NAA15: variants seen among roughly 807,000 people sequenced by gnomAD.
NAA15 encodes N-terminal acetyltransferase.
In NAA15, 34 loss-of-function variants were observed where a neutral mutation model predicts 114.0. That is an observed-to-expected ratio of 0.30 (90% confidence interval 0.23 to 0.40). NAA15 has a LOEUF of 0.40. NAA15 is among the 10% of genes least tolerant of loss of function. The pLI is 1.00. For synonymous variants in NAA15, 340 were observed against 338.0 expected (o/e 1.01, Z -0.06); for missense variants, 658 against 1,004.5 (o/e 0.66, Z 4.66).
chr4:139,391,187 C>CT lies in NAA15; in HGVS notation c.*3106dup, dbSNP rs1749048595. 6.6e-6 allele frequency: 1 copy of CT among 152,142 alleles called. No individual in the cohort carries two copies. The allele number at this position is 152,142 out of a possible 1,614,324, so 9.4% of individuals were successfully genotyped here. ...TTCTATTCTAGCTAATGCCCCACTT[C>CT]TTTAAGTTATAAACAAAGTTTCATG... is the stretch of plus-strand genomic sequence containing the variant. On this transcript the variant is annotated 3_prime_UTR_variant, in exon 20 of 20. Coordinates refer to ENST00000296543, the MANE Select transcript of NAA15 (RefSeq NM_057175.5).
At position 139,388,072 on chromosome 4, in the gene NAA15, C is replaced by T. The variant is rs1464587856; in HGVS notation, c.2589C>T (p.Ala863=). ...GTTCTGCAGAAGCTGAAGAACTGGC[C>T]AATGAAATTTGAACATCACTAAACA... ...GDSSAEAEEL[A]NEI Residue 863 remains alanine, a synonymous_variant, in exon 20 of 20, where the codon GCC becomes GCT. Coordinates refer to ENST00000296543, the MANE Select transcript of NAA15 (RefSeq NM_057175.5). The T allele has an allele frequency of 1.9e-6, 3 of 1,612,882 alleles. No homozygotes were observed. Among genetic ancestry groups the T allele is most frequent in the Admixed American group, 3.3e-5 (2 of 59,912 alleles).
intron 1 of NAA15, among the ~76,000 whole-genome samples, chr4:139,309,446 T>A (rs1746141283): frequency 6.6e-6 from 1 of 150,934 alleles, no homozygotes; most frequent in African/African-American, 2.4e-5. Context: ...TGTGTGTGTG[T>A]GTGTGTGTGT....
intron 1 of NAA15, 75 bp downstream of exon 1, chr4:139,301,906 C>T: frequency 6.7e-7 from 1 of 1,489,048 alleles, no homozygotes. Flanking sequence ...AACCTCGGCC[C>T]GGCGGGCACT....
intron 1 of NAA15, among the ~76,000 whole-genome samples, chr4:139,313,765 G>C (rs191419165): frequency 1.2e-4 from 18 of 151,834 alleles, no homozygotes; most frequent in Non-Finnish European, 2.5e-4. Context: ...TCTAACTCCT[G>C]ACCTCAGGTG....
At chr4:139,345,814 G>A (rs1028886230) in intron 6 of NAA15, among the ~76,000 whole-genome samples, 8 of 152,048 alleles carry the variant, frequency 5.3e-5, no homozygotes, top group South Asian at 2.1e-4. Context: ...CCAGCTACTC[G>A]GGAGGCTGAG....
chr4:139,343,235 T>C (rs967169723), intron 5 of NAA15, among the ~76,000 whole-genome samples: 4 of 152,202 alleles, frequency 2.6e-5, no homozygotes, highest in African/African-American at 9.6e-5. Flanking sequence ...CCTTTACCCC[T>C]AAATGCTTTA....
rs1748981925 is a variant in NAA15, at chr4:139,389,115, C to T, written c.*1031C>T. ...TGTCACAGGTTTGTAATACTTGAAGCCCTACATTTCTAAGAATATATTTCT... is the reference window on the plus strand; with the variant it reads ...TGTCACAGGTTTGTAATACTTGAAGTCCTACATTTCTAAGAATATATTTCT... On this transcript the variant is annotated 3_prime_UTR_variant, in exon 20 of 20. Coordinates refer to ENST00000296543, the MANE Select transcript of NAA15 (RefSeq NM_057175.5). The T allele has an allele frequency of 6.6e-6, 1 of 152,426 alleles. No individual in the cohort carries two copies. The highest frequency in any genetic ancestry group is 1.5e-5 in the Non-Finnish European group (1 of 68,000). 9.4% of individuals were successfully genotyped at this position (152,426 alleles called of 1,614,324 possible). A position where few individuals can be genotyped will look rare whatever the true frequency, so the allele number is the denominator to read the frequency against.
At chr4:139,347,303 C>G (rs1400299613) in intron 6 of NAA15, among the ~76,000 whole-genome samples, 1 of 152,092 alleles carries the variant, frequency 6.6e-6, no homozygotes, top group Non-Finnish European at 1.5e-5. Flanking sequence ...GTTGGTAAAA[C>G]TGCCCCTGGT....
chr4:139,385,308 T>TTA lies in NAA15; in HGVS notation c.2302+340_2302+341dup, dbSNP rs1553999116. The stretch of plus-strand genomic sequence containing the variant: ...AATATATATATATATATAATATATA[T>TTA]TATATATATATGCGCTTCCTATACA... On this transcript the variant is annotated intron_variant, in intron 18 of 19. Coordinates refer to ENST00000296543, the MANE Select transcript of NAA15 (RefSeq NM_057175.5). Among the ~76,000 whole-genome samples the TTA allele has an allele frequency of 8.6e-4, 79 of 91,884 alleles. 1 individual carries two copies. The highest frequency in any genetic ancestry group is 0.011 in the Middle Eastern group (2 of 186). The allele number at this position is 91,884 out of a possible 152,430, so 60.3% of individuals were successfully genotyped here. A position where few individuals can be genotyped will look rare whatever the true frequency, so the allele number is the denominator to read the frequency against.
chr4:139,329,348 A>G (rs1057195471), intron 1 of NAA15, among the ~76,000 whole-genome samples: 12 of 151,746 alleles, frequency 7.9e-5, no homozygotes, highest in African/African-American at 2.7e-4. Flanking sequence ...CTGGTTATGG[A>G]TCATGTTTTC....
intron 3 of NAA15, among the ~76,000 whole-genome samples, chr4:139,339,039 GA>G (rs1434660421): frequency 6.6e-6 from 1 of 152,008 alleles, no homozygotes. Flanking sequence ...TCGAACTCGT[GA>G]CTTGAAGTGA....
At chr4:139,304,367 C>A (rs1745934487) in intron 1 of NAA15, among the ~76,000 whole-genome samples, 1 of 152,236 alleles carries the variant, frequency 6.6e-6, no homozygotes, top group Non-Finnish European at 1.5e-5. Flanking sequence ...AACATTGATA[C>A]AATCCACCAG....
At position 139,321,334 on chromosome 4, in the gene NAA15, T is replaced by A. The variant is rs564995981; in HGVS notation, c.55-12840T>A. Among the ~76,000 whole-genome samples the A allele has an allele frequency of 5.3e-5, 8 of 152,152 alleles. No individual in the cohort carries two copies. The South Asian group carries it at 1.4e-3, about 28-fold the overall frequency. On this transcript the variant is annotated intron_variant, in intron 1 of 19. Coordinates refer to ENST00000296543, the MANE Select transcript of NAA15 (RefSeq NM_057175.5). ...TAAAAAAAATTTATAGCCTTTTACT[T>A]ATTTTTTTGTGGAGAATCTGGGTCT...
intron 16 of NAA15, among the ~76,000 whole-genome samples, chr4:139,378,528 A>T (rs996978307): frequency 1.3e-5 from 2 of 152,244 alleles, no homozygotes; most frequent in African/African-American, 4.8e-5. Context: ...AAATATTGCT[A>T]AATGCCACCT....
chr4:139,340,791 C>A lies in NAA15; in HGVS notation c.245-121C>A, dbSNP rs948006937. On this transcript the variant is annotated intron_variant, in intron 3 of 19. Coordinates refer to ENST00000296543, the MANE Select transcript of NAA15 (RefSeq NM_057175.5). The stretch of plus-strand genomic sequence containing the variant: ...ATCTTTGAAATCAATCTCCCCCTCC[C>A]CTTCCCCTTCTTTTTAAGCTTGTAG... 43 of 681,336 alleles carry A rather than the reference C, an allele frequency of 6.3e-5. No homozygotes were observed. The East Asian group carries it at 1.1e-3, about 17-fold the overall frequency. The allele number at this position is 681,336 out of a possible 1,614,324, so 42.2% of individuals were successfully genotyped here.
intron 1 of NAA15, chr4:139,302,091 A>G: frequency 5.0e-6 from 2 of 396,142 alleles, no homozygotes; most frequent in Non-Finnish European, 4.5e-6. Flanking sequence ...CCCGGCTTCT[A>G]GACTGCCGGT....
intron 1 of NAA15, among the ~76,000 whole-genome samples, chr4:139,333,532 G>T (rs142284619): frequency 4.0e-5 from 6 of 151,894 alleles, no homozygotes; most frequent in African/African-American, 1.4e-4. Context: ...GGCCCTTTCA[G>T]CTTGAAAGCT....
At chr4:139,339,422 A>G (rs1388106792) in intron 3 of NAA15, among the ~76,000 whole-genome samples, 2 of 152,178 alleles carry the variant, frequency 1.3e-5, no homozygotes, top group East Asian at 3.8e-4. Flanking sequence ...GTTTGAGCCC[A>G]GGAGTTTGAG....
At chr4:139,341,744 T>C (rs1482320708) in intron 4 of NAA15, among the ~76,000 whole-genome samples, 1 of 151,510 alleles carries the variant, frequency 6.6e-6, no homozygotes, top group Non-Finnish European at 1.5e-5. Context: ...TTGGAGACAT[T>C]AGAGTCTCAC....
Sources: gnomAD v4.1 joint callset for allele counts (sites outside exome capture counted in the v4.1 genomes callset) on GRCh38, gnomAD v4.1.1 for gene constraint, MANE v1.5 for transcripts, NCBI Gene and HGNC (gene_info 2026-07-23, HGNC 2026-07-21) for gene names.